Variants in RALB observed in about 807,000 individuals in gnomAD.
The protein encoded by RALB is ras-related protein Ral-B.
RALB carries 16 observed loss-of-function variants against 21.3 expected under a neutral mutation model. The ratio of observed to expected loss-of-function variants is 0.75; its 90% CI spans 0.51 to 1.14. The LOEUF is 1.14. Ranked by LOEUF, RALB falls within the 50% of genes most tolerant of loss-of-function variation. The pLI is 0.00. For synonymous variants in RALB, 93 were observed against 96.1 expected (o/e 0.97, Z 0.19); for missense variants, 161 against 256.2 (o/e 0.63, Z 2.54).
At chr2:120,252,541 C>T (rs1208340276), upstream of RALB, among the ~76,000 whole-genome samples, 1 of 152,270 alleles carries the variant, frequency 6.6e-6, no homozygotes, top group Admixed American at 6.5e-5. Flanking sequence ...CCTTGTGCAC[C>T]CGCACCCGCC....
In RALB at chr2:120,293,444, G is replaced by A. The variant is rs1018010609; in HGVS notation, c.*184G>A. On this transcript the variant is annotated 3_prime_UTR_variant, in exon 5 of 5. Transcript: ENST00000272519. ...TGGCAGAAGAAATAAGCCCATGCAA[G>A]TGGAAGGGCTGCTTTGTCAGGAGGT... 22 of 469,896 alleles carry A rather than the reference G, an allele frequency of 4.7e-5. No individual in the cohort carries two copies. The highest frequency in any genetic ancestry group is 4.3e-4 in the African/African-American group (21 of 49,112). The allele number at this position is 469,896 out of a possible 1,614,324, so 29.1% of individuals were successfully genotyped here. A position where few individuals can be genotyped will look rare whatever the true frequency, so the allele number is the denominator to read the frequency against.
chr2:120,290,706 C>A (rs1690286853), intron 4 of RALB, among the ~76,000 whole-genome samples: 2 of 151,686 alleles, frequency 1.3e-5, no homozygotes, highest in African/African-American at 4.9e-5. Flanking sequence ...AAAAGGGTGA[C>A]CTTGAGTGAC....
At chr2:120,281,468 C>T (rs2104644400) in intron 2 of RALB, among the ~76,000 whole-genome samples, 1 of 152,320 alleles carries the variant, frequency 6.6e-6, no homozygotes, top group East Asian at 1.9e-4. Context: ...TCAATGTCAA[C>T]ATTTACTTTA....
At chr2:120,259,048 C>A (rs1458437776) in intron 1 of RALB, among the ~76,000 whole-genome samples, 1 of 151,996 alleles carries the variant, frequency 6.6e-6, no homozygotes, top group Non-Finnish European at 1.5e-5. Flanking sequence ...GTTGTTCGTT[C>A]CTCCCGGTGG....
At chr2:120,250,063 C>CT (rs896731341), upstream of RALB, among the ~76,000 whole-genome samples, 172 of 152,320 alleles carry the variant, frequency 1.1e-3, no homozygotes, top group African/African-American at 3.9e-3. Context: ...CAAGAGAGAT[C>CT]TTTTTTGACC....
At chr2:120,254,311 T>C (rs976474263) in intron 1 of RALB, among the ~76,000 whole-genome samples, 1 of 152,218 alleles carries the variant, frequency 6.6e-6, no homozygotes, top group Admixed American at 6.5e-5. Context: ...AGACATATCC[T>C]TTGTGCGTGG....
chr2:120,246,602 G>A (rs1450880452), intron 1 of RALB, among the ~76,000 whole-genome samples: 2 of 152,224 alleles, frequency 1.3e-5, no homozygotes, highest in African/African-American at 4.8e-5. Flanking sequence ...AGAGCTAGCT[G>A]GCTGCTAGCG....
chr2:120,253,586 T>C (rs6723584), intron 1 of RALB: 679,758 of 985,256 alleles, frequency 0.69, 235,337 homozygotes, highest in African/African-American at 0.78. Flanking sequence ...TCCCGGTTCT[T>C]GCCGCCTGTG....
chr2:120,257,165 C>G (rs1455142068), intron 1 of RALB, among the ~76,000 whole-genome samples: 1 of 152,146 alleles, frequency 6.6e-6, no homozygotes, highest in Admixed American at 6.5e-5. Context: ...AAAGTAATCT[C>G]CTTTGATGAA....
In RALB at chr2:120,293,919, G is replaced by A. The variant is rs992723389; in HGVS notation, c.*659G>A. On this transcript the variant is annotated 3_prime_UTR_variant, in exon 5 of 5. Coordinates refer to ENST00000272519, the MANE Select transcript of RALB (RefSeq NM_002881.3). ...TTTAAACATTGGCCTATTATAATCTGTGTTGGTTATTTTTCTCCTGTAAGC... is the reference window on the plus strand; with the variant it reads ...TTTAAACATTGGCCTATTATAATCTATGTTGGTTATTTTTCTCCTGTAAGC... 10 of 384,554 alleles carry A rather than the reference G, an allele frequency of 2.6e-5. No homozygotes were observed. The South Asian group carries it at 5.8e-4, about 22-fold the overall frequency. The allele number at this position is 384,554 out of a possible 1,614,324, so 23.8% of individuals were successfully genotyped here. A position where few individuals can be genotyped will look rare whatever the true frequency, so the allele number is the denominator to read the frequency against.
intron 1 of RALB, among the ~76,000 whole-genome samples, chr2:120,274,974 C>T (rs1430972287): frequency 6.6e-6 from 1 of 152,148 alleles, no homozygotes; most frequent in Non-Finnish European, 1.5e-5. Flanking sequence ...ACTCATTGCC[C>T]CTTGTTCCCC....
chr2:120,259,493 G>A (rs1313185777), intron 1 of RALB, among the ~76,000 whole-genome samples: 1 of 152,160 alleles, frequency 6.6e-6, no homozygotes, highest in African/African-American at 2.4e-5. Context: ...GGTGCTGATT[G>A]GTGTATTTAC....
intron 1 of RALB, among the ~76,000 whole-genome samples, chr2:120,274,334 C>G (rs1689737874): frequency 6.6e-6 from 1 of 150,900 alleles, no homozygotes; most frequent in Non-Finnish European, 1.5e-5. Flanking sequence ...TTGCTTAGCT[C>G]ACTTATTTAA....
chr2:120,244,801 G>C (rs974006379), intron 1 of RALB, among the ~76,000 whole-genome samples: 1 of 152,220 alleles, frequency 6.6e-6, no homozygotes, highest in African/African-American at 2.4e-5. Context: ...AATTTCCCAT[G>C]CTCAGGCATC....
chr2:120,240,372 C>A (rs962759134), intron 1 of RALB, among the ~76,000 whole-genome samples: 8 of 152,006 alleles, frequency 5.3e-5, no homozygotes, highest in Middle Eastern at 3.2e-3. Flanking sequence ...GCAACCTCCA[C>A]CTCCCAGATT....
At chr2:120,269,482 G>C (rs774956900) in intron 1 of RALB, among the ~76,000 whole-genome samples, 21 of 140,648 alleles carry the variant, frequency 1.5e-4, no homozygotes, top group Non-Finnish European at 2.2e-4. Context: ...ATGTCCTGCT[G>C]ATTGGTCCAT....
upstream of RALB, among the ~76,000 whole-genome samples, chr2:120,248,559 C>A (rs1689007314): frequency 1.5e-5 from 1 of 66,366 alleles, no homozygotes; most frequent in Non-Finnish European, 3.2e-5. Context: ...ATTACCCTGT[C>A]TAGGACCCCA....
chr2:120,261,833 A>G (rs1689374350), intron 1 of RALB, among the ~76,000 whole-genome samples: 1 of 152,184 alleles, frequency 6.6e-6, no homozygotes, highest in Admixed American at 6.5e-5. Context: ...TCAAGAGGGC[A>G]GAGAATTGTG....
intron 1 of RALB, among the ~76,000 whole-genome samples, chr2:120,258,603 A>G (rs1475877845): frequency 1.3e-5 from 2 of 152,150 alleles, no homozygotes; most frequent in Non-Finnish European, 2.9e-5. Context: ...CAGATTGAAG[A>G]GGGGCTGGAG....
Sources: gnomAD v4.1 joint callset for allele counts (sites outside exome capture counted in the v4.1 genomes callset) on GRCh38, gnomAD v4.1.1 for gene constraint, MANE v1.5 for transcripts, NCBI Gene and HGNC (gene_info 2026-07-23, HGNC 2026-07-21) for gene names.